SIPA1L1: variants seen among roughly 807,000 people sequenced by gnomAD.
The protein encoded by SIPA1L1 is signal-induced proliferation-associated 1-like protein 1.
Under a neutral mutation model 162.7 loss-of-function variants are expected in SIPA1L1, and 26 were observed. The observed-to-expected ratio is 0.16, with a 90% CI of 0.12 to 0.22. The LOEUF is 0.22. SIPA1L1 is among the 10% of genes least tolerant of loss of function. The pLI, the probability that SIPA1L1 is intolerant of heterozygous loss-of-function variation, is 1.00. For missense variants in SIPA1L1, 1,874 were observed against 2,241.0 expected, an observed-to-expected ratio of 0.84 and a Z score of 3.31; for synonymous variants, 829 against 837.4, an observed-to-expected ratio of 0.99 and a Z score of 0.17.
At chr14:71,731,229 G>A (rs1339640754) in intron 20 of SIPA1L1, among the ~76,000 whole-genome samples, 2 of 152,186 alleles carry the variant, frequency 1.3e-5, no homozygotes, top group East Asian at 1.9e-4. Flanking sequence ...CTCAGCCCAC[G>A]CTCATGAATG....
chr14:71,545,275 T>C (rs1328679870), intron 4 of SIPA1L1, among the ~76,000 whole-genome samples: 4 of 152,236 alleles, frequency 2.6e-5, no homozygotes. Context: ...TTGACTGGGA[T>C]TTCATTGATA....
chr14:71,645,714 C>G (rs533957632), intron 7 of SIPA1L1, among the ~76,000 whole-genome samples: 1 of 152,226 alleles, frequency 6.6e-6, no homozygotes, highest in South Asian at 2.1e-4. Flanking sequence ...TTGATTCATG[C>G]AAAAGTGCCA....
At chr14:71,375,045 C>T (rs537208117) in intron 2 of SIPA1L1, among the ~76,000 whole-genome samples, 1 of 152,216 alleles carries the variant, frequency 6.6e-6, no homozygotes, top group East Asian at 1.9e-4. Flanking sequence ...TAATTTTGTT[C>T]TAAATATTCT....
chr14:71,673,046 C>G (rs1332162527), intron 12 of SIPA1L1, among the ~76,000 whole-genome samples: 1 of 152,246 alleles, frequency 6.6e-6, no homozygotes, highest in Non-Finnish European at 1.5e-5. Flanking sequence ...CTGCCCAAAA[C>G]TCAGCAATTG....
chr14:71,399,371 C>T (rs1182011081), intron 2 of SIPA1L1, among the ~76,000 whole-genome samples: 1 of 152,176 alleles, frequency 6.6e-6, no homozygotes, highest in Admixed American at 6.5e-5. Flanking sequence ...GGCTCTGGTT[C>T]TTTCAGTGAG....
At chr14:71,600,770 T>C (rs1225777275) in intron 5 of SIPA1L1, among the ~76,000 whole-genome samples, 2 of 152,210 alleles carry the variant, frequency 1.3e-5, no homozygotes, top group East Asian at 3.8e-4. Context: ...TTCGTAGTTT[T>C]CCTTATAGAG....
chr14:71,724,853 G>C lies in SIPA1L1; in HGVS notation c.4614+18G>C, dbSNP rs187589048. The C allele has an allele frequency of 1.4e-5, 22 of 1,605,976 alleles. No homozygotes were observed. In the East Asian group the frequency reaches 4.7e-4, roughly 34 times the overall value. On this transcript the variant is annotated intron_variant, in intron 19 of 23. Transcript: ENST00000381232. Reference sequence around the variant, plus strand: ...GTTTTAAGGTACAAGACAGAGCTCAGGGTAGATGGCAATTAGAAACAAGCC... The same window carrying C: ...GTTTTAAGGTACAAGACAGAGCTCACGGTAGATGGCAATTAGAAACAAGCC...
chr14:71,478,994 C>G (rs1000774049), intron 2 of SIPA1L1, among the ~76,000 whole-genome samples: 5 of 152,076 alleles, frequency 3.3e-5, no homozygotes, highest in Non-Finnish European at 2.9e-5. Context: ...AGTGTTTCCC[C>G]CATTTTCTCC....
intron 2 of SIPA1L1, among the ~76,000 whole-genome samples, chr14:71,500,257 C>T (rs1348414906): frequency 6.6e-6 from 1 of 152,120 alleles, no homozygotes; most frequent in Non-Finnish European, 1.5e-5. Flanking sequence ...CTCATAACCA[C>T]AATACATAAA....
chr14:71,440,669 AAAAG>A (rs1382249626), intron 2 of SIPA1L1, among the ~76,000 whole-genome samples: 1 of 150,490 alleles, frequency 6.6e-6, no homozygotes, highest in Non-Finnish European at 1.5e-5. Context: ...AAAAAAAAAA[AAAAG>A]GAAAAGTAAA....
intron 13 of SIPA1L1, among the ~76,000 whole-genome samples, chr14:71,687,054 A>G (rs1299482013): frequency 1.3e-5 from 2 of 152,246 alleles, no homozygotes; most frequent in African/African-American, 4.8e-5. Context: ...TGCATAAAAC[A>G]TTGTCACTTA....
chr14:71,680,417 A>T (rs2045685852), intron 12 of SIPA1L1, among the ~76,000 whole-genome samples: 1 of 152,252 alleles, frequency 6.6e-6, no homozygotes, highest in South Asian at 2.1e-4. Context: ...TCTGGGACAC[A>T]TTTAAAGCGG....
chr14:71,608,039 T>C (rs569173247), intron 5 of SIPA1L1, among the ~76,000 whole-genome samples: 1 of 152,326 alleles, frequency 6.6e-6, no homozygotes, highest in Admixed American at 6.5e-5. Flanking sequence ...AAAATTTTGC[T>C]TTATTGCATC....
At chr14:71,501,427 G>A (rs545850004) in intron 2 of SIPA1L1, among the ~76,000 whole-genome samples, 1 of 152,306 alleles carries the variant, frequency 6.6e-6, no homozygotes, top group East Asian at 1.9e-4. Flanking sequence ...AGTTCACAAT[G>A]TGAAACAAAA....
At chr14:71,697,985 T>C (rs1257120782) in intron 13 of SIPA1L1, among the ~76,000 whole-genome samples, 1 of 152,138 alleles carries the variant, frequency 6.6e-6, no homozygotes, top group Non-Finnish European at 1.5e-5. Context: ...AGCAGTAGTT[T>C]AGCATGGAGT....
chr14:71,620,146 C>G (rs542330293), intron 6 of SIPA1L1, among the ~76,000 whole-genome samples: 1 of 152,272 alleles, frequency 6.6e-6, no homozygotes, highest in Middle Eastern at 3.4e-3. Flanking sequence ...CTTGGCTCAC[C>G]GCAACCTTTG....
intron 5 of SIPA1L1, among the ~76,000 whole-genome samples, chr14:71,589,848 A>G (rs961332696): frequency 8.1e-4 from 123 of 151,876 alleles, no homozygotes; most frequent in African/African-American, 2.9e-3. Flanking sequence ...ATTCCTGTCC[A>G]TTTACAGGAA....
At chr14:71,422,540 T>C (rs925091461) in intron 2 of SIPA1L1, among the ~76,000 whole-genome samples, 1 of 152,234 alleles carries the variant, frequency 6.6e-6, no homozygotes, top group Non-Finnish European at 1.5e-5. Context: ...TGATTTAGGC[T>C]ACTTGAAGCA....
chr14:71,641,488 C>T (rs1390804003), intron 7 of SIPA1L1, among the ~76,000 whole-genome samples: 2 of 152,062 alleles, frequency 1.3e-5, no homozygotes, highest in East Asian at 1.9e-4. Flanking sequence ...TTTGGGAGGC[C>T]GAGGCGGGCA....
Sources: gnomAD v4.1 joint callset for allele counts (sites outside exome capture counted in the v4.1 genomes callset) on GRCh38, gnomAD v4.1.1 for gene constraint, MANE v1.5 for transcripts, NCBI Gene and HGNC (gene_info 2026-07-23, HGNC 2026-07-21) for gene names.